MED27: variants seen among roughly 807,000 people sequenced by gnomAD.
MED27 encodes mediator of RNA polymerase II transcription subunit 27.
MED27 carries 30 observed loss-of-function variants against 38.2 expected under a neutral mutation model. The observed-to-expected ratio is 0.79, with a 90% confidence interval of 0.59 to 1.07. The LOEUF (loss-of-function observed/expected upper bound fraction) is 1.07, where lower values mean the gene tolerates loss of function less well. Ranked by LOEUF, MED27 falls within the 50% of genes least tolerant of loss-of-function variation. The pLI, the probability that MED27 is intolerant of heterozygous loss-of-function variation, is 0.00. For synonymous variants in MED27, 122 were observed against 153.5 expected (o/e 0.79, Z 1.52); for missense variants, 289 against 397.5 (o/e 0.73, Z 2.32).
intron 4 of MED27, among the ~76,000 whole-genome samples, chr9:131,897,905 A>G (rs999363450): frequency 1.6e-4 from 24 of 152,308 alleles, no homozygotes; most frequent in Admixed American, 6.5e-4. Context: ...GACATGTCTC[A>G]TAAGTCTTTC....
At chr9:131,909,130 C>A (rs1271395226) in intron 4 of MED27, among the ~76,000 whole-genome samples, 2 of 152,088 alleles carry the variant, frequency 1.3e-5, no homozygotes, top group African/African-American at 4.8e-5. Context: ...CGTAAGGAAG[C>A]CTGCAGGCTT....
chr9:131,887,248 C>T (rs191955531), intron 5 of MED27, among the ~76,000 whole-genome samples: 1 of 152,112 alleles, frequency 6.6e-6, no homozygotes, highest in East Asian at 1.9e-4. Flanking sequence ...AAAACATGGC[C>T]TCTCCAGCCT....
chr9:132,070,415 G>A (rs897127364), intron 2 of MED27, among the ~76,000 whole-genome samples: 2 of 152,088 alleles, frequency 1.3e-5, no homozygotes, highest in South Asian at 2.1e-4. Context: ...AAATTAGCTG[G>A]GCGTGGGTGT....
chr9:131,966,383 C>CAA lies in MED27; in HGVS notation c.480-26911_480-26910dup, dbSNP rs749607968. Among the ~76,000 whole-genome samples the CAA allele has an allele frequency of 3.1e-3, 114 of 36,760 alleles. 14 individuals are homozygous for CAA. Among genetic ancestry groups the CAA allele is most frequent in the East Asian group, 3.7e-3 (4 of 1,086 alleles). The allele number at this position is 36,760 out of a possible 152,430, so 24.1% of individuals were successfully genotyped here. On this transcript the variant is annotated intron_variant, in intron 3 of 7. Coordinates refer to ENST00000292035, the MANE Select transcript of MED27 (RefSeq NM_004269.4). ...CAGGCAAAAGAGCCAGACCCTGTCA[C>CAA]AAAAAAAAAAAAAAAAAGGAAAGGA...
chr9:131,916,005 C>T (rs1314205921), intron 4 of MED27, among the ~76,000 whole-genome samples: 1 of 152,120 alleles, frequency 6.6e-6, no homozygotes, highest in Non-Finnish European at 1.5e-5. Flanking sequence ...TATTAAAATC[C>T]AATATAATAC....
At chr9:131,979,200 G>A (rs563885593) in intron 3 of MED27, among the ~76,000 whole-genome samples, 3 of 152,116 alleles carry the variant, frequency 2.0e-5, no homozygotes, top group South Asian at 4.2e-4. Context: ...GCTCTCCCGA[G>A]GCACATAGCT....
At chr9:131,921,070 A>T (rs1830382514) in intron 4 of MED27, among the ~76,000 whole-genome samples, 1 of 152,180 alleles carries the variant, frequency 6.6e-6, no homozygotes, top group African/African-American at 2.4e-5. Context: ...TGGGCCAAAC[A>T]CATATCATTT....
intron 3 of MED27, among the ~76,000 whole-genome samples, chr9:131,951,892 C>T (rs926457416): frequency 3.3e-5 from 5 of 152,198 alleles, no homozygotes; most frequent in African/African-American, 9.7e-5. Context: ...CATTTTACTA[C>T]ATCAATGCAT....
chr9:132,058,674 G>A (rs143430504), intron 2 of MED27, among the ~76,000 whole-genome samples: 94 of 152,228 alleles, frequency 6.2e-4, no homozygotes, highest in African/African-American at 1.9e-3. Context: ...TCATAACAGC[G>A]TGAGAACAGA....
At chr9:132,002,766 T>C (rs1339749745) in intron 3 of MED27, among the ~76,000 whole-genome samples, 2 of 151,504 alleles carry the variant, frequency 1.3e-5, no homozygotes, top group African/African-American at 4.8e-5. Flanking sequence ...AACAAAAAAA[T>C]TGTCCTGGTG....
At chr9:132,033,130 G>C (rs1039599961) in intron 2 of MED27, among the ~76,000 whole-genome samples, 28 of 152,166 alleles carry the variant, frequency 1.8e-4, no homozygotes, top group African/African-American at 6.8e-4. Context: ...GCCTGTCATA[G>C]TCTCTGGATT....
At position 132,036,680 on chromosome 9, in the gene MED27, T is replaced by G. The variant is rs374763018; in HGVS notation, c.349-22213A>C. Among the ~76,000 whole-genome samples the G allele has an allele frequency of 7.2e-5, 11 of 152,226 alleles. No individual in the cohort carries two copies. The South Asian group carries it at 2.3e-3, about 32-fold the overall frequency. On this transcript the variant is annotated intron_variant, in intron 2 of 7. Transcript: ENST00000292035. ...CACGTGTAAAACAGAAGTTATACTA[T>G]GCATACGTTTCATAGGGTTGTCTGT...
chr9:132,079,574 C>G, intron 1 of MED27, 68 bp downstream of exon 1: 1 of 1,481,832 alleles, frequency 6.7e-7, no homozygotes, highest in Non-Finnish European at 9.4e-7. Context: ...TGGGAAGACT[C>G]GAGCGACGTA....
chr9:132,026,319 C>T (rs1832817652), intron 2 of MED27, among the ~76,000 whole-genome samples: 1 of 152,138 alleles, frequency 6.6e-6, no homozygotes, highest in Non-Finnish European at 1.5e-5. Flanking sequence ...TCCTTTTGGT[C>T]CTCAATACCC....
intron 1 of MED27, among the ~76,000 whole-genome samples, chr9:132,078,025 A>C (rs532081611): frequency 2.0e-5 from 3 of 152,346 alleles, no homozygotes; most frequent in African/African-American, 2.4e-5. Context: ...TCATTCACAT[A>C]GGGATAGATT....
At chr9:131,918,705 ATTTTCTTCAAC>A (rs1830336300) in intron 4 of MED27, among the ~76,000 whole-genome samples, 1 of 151,486 alleles carries the variant, frequency 6.6e-6, no homozygotes, top group Admixed American at 6.6e-5. Flanking sequence ...GTACGCGGCC[ATTTTCTTCAAC>A]AGTAGGATCT....
chr9:131,882,760 T>C (rs554573056), intron 6 of MED27, among the ~76,000 whole-genome samples: 3 of 152,312 alleles, frequency 2.0e-5, no homozygotes, highest in Non-Finnish European at 4.4e-5. Context: ...CTGACTAGCC[T>C]AATCAGAAGG....
intron 2 of MED27, among the ~76,000 whole-genome samples, chr9:132,076,131 A>C (rs532580477): frequency 2.0e-4 from 31 of 152,326 alleles, no homozygotes; most frequent in African/African-American, 7.2e-4. Flanking sequence ...AGGACAACAA[A>C]GGAAAGCAGT....
chr9:131,998,908 C>T (rs1832158111), intron 3 of MED27, among the ~76,000 whole-genome samples: 1 of 149,462 alleles, frequency 6.7e-6, no homozygotes. Context: ...TGCCCAAGTC[C>T]ACCAAAAAAA....
Sources: gnomAD v4.1 joint callset for allele counts (sites outside exome capture counted in the v4.1 genomes callset) on GRCh38, gnomAD v4.1.1 for gene constraint, MANE v1.5 for transcripts, NCBI Gene and HGNC (gene_info 2026-07-23, HGNC 2026-07-21) for gene names.